The following PHKB variants were observed in gnomAD, a reference collection of about 807,000 sequenced individuals.
PHKB encodes phosphorylase kinase regulatory subunit beta, also known as phosphorylase b kinase regulatory subunit beta.
In PHKB, 122 loss-of-function variants were observed where a neutral mutation model predicts 152.1. The ratio of observed to expected loss-of-function variants is 0.80; its 90% CI spans 0.69 to 0.93. PHKB has a LOEUF of 0.93. Ranked by LOEUF, PHKB falls within the 40% of genes least tolerant of loss-of-function variation. The pLI is 0.00. For missense variants in PHKB, 1,304 were observed against 1,328.4 expected, an observed-to-expected ratio of 0.98 and a Z score of 0.29; for synonymous variants, 436 against 464.9, an observed-to-expected ratio of 0.94 and a Z score of 0.80.
intron 7 of PHKB, among the ~76,000 whole-genome samples, chr16:47,552,242 T>C (rs115608104): frequency 1.5e-3 from 229 of 152,336 alleles, no homozygotes; most frequent in African/African-American, 5.0e-3. Context: ...ATTTCAGAAT[T>C]GGATCCTGTC....
intron 26 of PHKB, among the ~76,000 whole-genome samples, chr16:47,675,028 G>A (rs1170004628): frequency 1.3e-5 from 2 of 152,178 alleles, no homozygotes; most frequent in Non-Finnish European, 2.9e-5. Flanking sequence ...CTTATGTTCA[G>A]AGGAAGAGAT....
At chr16:47,609,991 T>C (rs1972396854) in intron 13 of PHKB, among the ~76,000 whole-genome samples, 1 of 151,846 alleles carries the variant, frequency 6.6e-6, no homozygotes. Flanking sequence ...CTGTCTTTTT[T>C]TGTTTGTTTG....
In PHKB at chr16:47,700,787, T is replaced by A. The variant is rs1276614163; in HGVS notation, c.*1421T>A. On this transcript the variant is annotated 3_prime_UTR_variant, in exon 31 of 31. Transcript: ENST00000323584. ...TCACATAAAAAATGCAGCTTATTTG[T>A]AGTGTTTTGAAAGGATGTAAGAAAG... 1 of 152,108 alleles carries A rather than the reference T, an allele frequency of 6.6e-6. No homozygotes were observed. Among genetic ancestry groups the A allele is most frequent in the Non-Finnish European group, 1.5e-5 (1 of 68,018 alleles). 9.4% of individuals were successfully genotyped at this position (152,108 alleles called of 1,614,324 possible).
rs567091764 is a variant in PHKB at position 47,521,668 on chromosome 16, G to C, written c.594+6067G>C. ...GAAACTACGTCTCAAAAAAAAAAAAGGAAAGAAAAGAAAAATGTTATCTGT... is the reference window on the plus strand; with the variant it reads ...GAAACTACGTCTCAAAAAAAAAAAACGAAAGAAAAGAAAAATGTTATCTGT... On this transcript the variant is annotated intron_variant, in intron 6 of 30. Transcript: ENST00000323584. Among the ~76,000 whole-genome samples the C allele has an allele frequency of 1.5e-4, 22 of 150,624 alleles. No homozygotes were observed. In the South Asian group the frequency reaches 4.4e-3, roughly 30 times the overall value.
intron 26 of PHKB, among the ~76,000 whole-genome samples, chr16:47,677,622 C>T (rs1395103188): frequency 6.6e-6 from 1 of 152,162 alleles, no homozygotes; most frequent in East Asian, 1.9e-4. Context: ...GCCCCAACCT[C>T]ATGACCTCAT....
intron 10 of PHKB, 59 bp from the exon 11 acceptor site, chr16:47,593,441 A>AAAT: frequency 2.1e-6 from 2 of 932,926 alleles, no homozygotes; most frequent in Non-Finnish European, 3.4e-6. Flanking sequence ...TCTTGTCTCA[A>AAAT]AATAATAATA....
At chr16:47,592,165 T>C (rs1972040026) in intron 10 of PHKB, among the ~76,000 whole-genome samples, 3 of 152,216 alleles carry the variant, frequency 2.0e-5, no homozygotes, top group South Asian at 4.1e-4. Flanking sequence ...CTTTTCTCTT[T>C]GGATTTTGCT....
At chr16:47,555,380 C>T (rs1187896553) in intron 7 of PHKB, among the ~76,000 whole-genome samples, 1 of 152,128 alleles carries the variant, frequency 6.6e-6, no homozygotes. Flanking sequence ...GTTCTCATGC[C>T]TGCCAGTTAC....
intron 26 of PHKB, among the ~76,000 whole-genome samples, chr16:47,680,743 G>C (rs1973836562): frequency 6.6e-6 from 1 of 152,024 alleles, no homozygotes; most frequent in South Asian, 2.1e-4. Flanking sequence ...TAATTTTTTT[G>C]AAGGGTTTTT....
At position 47,678,172 on chromosome 16, in the gene PHKB, T is replaced by G. The variant is rs560394076; in HGVS notation, c.2630+8755T>G. 1.5e-3 allele frequency among the ~76,000 whole-genome samples: 228 copies of G among 152,202 alleles called. 2 individuals carry two copies. Among genetic ancestry groups the G allele is most frequent in the Admixed American group, 3.1e-3 (48 of 15,292 alleles). On this transcript the variant is annotated intron_variant, in intron 26 of 30. Coordinates refer to ENST00000323584, the MANE Select transcript of PHKB (RefSeq NM_000293.3). ...ATTTTCTTAATCCAGTCTATCATTG[T>G]TGGACATTTGGGTTGGTTCCAAGTC...
chr16:47,545,375 A>G (rs1306904556), intron 6 of PHKB, among the ~76,000 whole-genome samples: 1 of 152,178 alleles, frequency 6.6e-6, no homozygotes, highest in Non-Finnish European at 1.5e-5. Context: ...TGGATATGTA[A>G]TTCTGGGTTG....
At chr16:47,586,277 T>A (rs1971933510) in intron 8 of PHKB, among the ~76,000 whole-genome samples, 1 of 152,212 alleles carries the variant, frequency 6.6e-6, no homozygotes, top group Non-Finnish European at 1.5e-5. Flanking sequence ...TCAAATTTGA[T>A]CTTGTCTGTT....
chr16:47,543,689 A>G (rs1453544662), intron 6 of PHKB, among the ~76,000 whole-genome samples: 1 of 152,012 alleles, frequency 6.6e-6, no homozygotes, highest in East Asian at 1.9e-4. Context: ...CCTATTATTG[A>G]TCTATTCAGC....
At chr16:47,689,018 A>G (rs780000165) in intron 26 of PHKB, 23 bp from the exon 27 acceptor site, 9 of 1,613,388 alleles carry the variant, frequency 5.6e-6, no homozygotes, top group Non-Finnish European at 6.8e-6. Context: ...TTATTGATTC[A>G]TGCTTCCCCT....
intron 5 of PHKB, among the ~76,000 whole-genome samples, chr16:47,512,143 G>T (rs1970521430): frequency 6.6e-6 from 1 of 152,186 alleles, no homozygotes; most frequent in Admixed American, 6.5e-5. Flanking sequence ...CTGTGGCCCA[G>T]GGGTGGGGGA....
chr16:47,651,231 A>G (rs1973232406), intron 20 of PHKB, among the ~76,000 whole-genome samples: 1 of 152,216 alleles, frequency 6.6e-6, no homozygotes, highest in African/African-American at 2.4e-5. Flanking sequence ...CTGTTGGTCC[A>G]GTACTCTTTT....
chr16:47,509,161 G>T (rs1264954112), intron 4 of PHKB, among the ~76,000 whole-genome samples: 2 of 152,092 alleles, frequency 1.3e-5, no homozygotes, highest in African/African-American at 4.8e-5. Flanking sequence ...TTTTATATAG[G>T]AGCTCAGAAT....
rs138536671 is a variant in PHKB, at chr16:47,663,840, A to C, written c.2336+106A>C. ...AAGATAGTTATTCATCCTAATTTTT[A>C]CTTTTAACCTCCAAGGTTACAGCAC... On this transcript the variant is annotated intron_variant, in intron 24 of 30. Transcript: ENST00000323584. 1,708 of 771,392 alleles carry C rather than the reference A, an allele frequency of 2.2e-3. 31 individuals carry two copies. The African/African-American group carries it at 0.026, about 12-fold the overall frequency. 47.8% of individuals were successfully genotyped at this position (771,392 alleles called of 1,614,324 possible).
chr16:47,461,619 G>C (rs1038178879), intron 1 of PHKB, among the ~76,000 whole-genome samples, 193 bp downstream of exon 1: 1 of 152,226 alleles, frequency 6.6e-6, no homozygotes, highest in African/African-American at 2.4e-5. Flanking sequence ...GGCAGAGCCA[G>C]CTCCACTCTG....
Sources: allele counts gnomAD v4.1 joint callset (sites outside exome capture counted in the v4.1 genomes callset), GRCh38; gene constraint gnomAD v4.1.1; transcripts MANE v1.5; gene names NCBI Gene and HGNC (gene_info 2026-07-23, HGNC 2026-07-21).